Variants in PCDHAC2 observed in about 807,000 individuals in gnomAD.
PCDHAC2 encodes protocadherin alpha subfamily C, 2.
Under a neutral mutation model 63.3 loss-of-function variants are expected in PCDHAC2, and 24 were observed. The observed-to-expected ratio is 0.38, with a 90% CI of 0.27 to 0.53. PCDHAC2 has a LOEUF of 0.53. Ranked by LOEUF, PCDHAC2 falls within the 20% of genes least tolerant of loss-of-function variation. PCDHAC2 has a pLI of 0.81. For missense variants in PCDHAC2, 1,181 were observed against 1,275.2 expected, an observed-to-expected ratio of 0.93 and a Z score of 1.12; for synonymous variants, 569 against 529.4, an observed-to-expected ratio of 1.07 and a Z score of -1.03.
intron 3 of PCDHAC2, among the ~76,000 whole-genome samples, chr5:140,999,615 A>G (rs535054544): frequency 5.3e-5 from 8 of 152,322 alleles, no homozygotes; most frequent in Admixed American, 3.3e-4. Flanking sequence ...GACCTTATCA[A>G]CCAGGAAACA....
At chr5:141,007,395 CAA>C (rs35800918) in intron 3 of PCDHAC2, among the ~76,000 whole-genome samples, 1,140 of 94,858 alleles carry the variant, frequency 0.012, 9 homozygotes, top group South Asian at 0.036. Context: ...TACTAAAATA[CAA>C]AAAAAAAAAA....
At chr5:140,982,816 G>A (rs970352633) in intron 3 of PCDHAC2, among the ~76,000 whole-genome samples, 9 of 151,630 alleles carry the variant, frequency 5.9e-5, no homozygotes, top group Non-Finnish European at 1.0e-4. Flanking sequence ...TGTGTATGAA[G>A]TTTTTGGGGT....
chr5:140,967,219 C>G lies in PCDHAC2; in HGVS notation c.453C>G (p.Pro151=). Residue 151 remains proline (P), a synonymous_variant, in exon 1 of 4, where the codon CCC becomes CCG. Coordinates refer to ENST00000289269, the MANE Select transcript of PCDHAC2 (RefSeq NM_018899.6). ...INDNSPRFPR[P]NYQLQVSESV... Reference sequence around the variant, plus strand: ...ACAACTCACCGCGTTTCCCGCGGCCCAACTACCAGCTTCAGGTAAGCGAAT... The same window carrying G: ...ACAACTCACCGCGTTTCCCGCGGCCGAACTACCAGCTTCAGGTAAGCGAAT... 6.2e-7 allele frequency: 1 copy of G among 1,613,772 alleles called. No individual in the cohort carries two copies. Among genetic ancestry groups the G allele is most frequent in the Non-Finnish European group, 8.5e-7 (1 of 1,179,946 alleles).
chr5:141,008,607 C>T (rs782227320), intron 3 of PCDHAC2, among the ~76,000 whole-genome samples: 33 of 152,196 alleles, frequency 2.2e-4, no homozygotes, highest in Non-Finnish European at 3.8e-4. Flanking sequence ...CCTCTGGAAC[C>T]CCATTAACTT....
intron 3 of PCDHAC2, among the ~76,000 whole-genome samples, chr5:140,996,673 T>C (rs2097737293): frequency 6.6e-6 from 1 of 152,200 alleles, no homozygotes; most frequent in African/African-American, 2.4e-5. Context: ...TTTTGAACCA[T>C]GTTGGGCTAG....
At chr5:140,982,296 C>A in intron 2 of PCDHAC2, 179 bp from the exon 3 acceptor site, 1 of 1,167,132 alleles carries the variant, frequency 8.6e-7, no homozygotes, top group Non-Finnish European at 1.2e-6. Flanking sequence ...AGTAAGTCAG[C>A]AATGCTTCTG....
At position 140,973,495 on chromosome 5, in the gene PCDHAC2, T is replaced by TA. The variant is rs148545809; in HGVS notation, c.2565+4164_2565+4165insA. Among the ~76,000 whole-genome samples, 585 of 152,336 alleles carry TA rather than the reference T, an allele frequency of 3.8e-3. 2 individuals are homozygous for TA. Among genetic ancestry groups the TA allele is most frequent in the African/African-American group, 0.013 (553 of 41,574 alleles). ...AATTTCATATTGGTCACAGGACTCTTCTTCTGAGAAAAAGTTTATTTTCTT... is the reference window on the plus strand; with the variant it reads ...AATTTCATATTGGTCACAGGACTCTTACTTCTGAGAAAAAGTTTATTTTCTT... On this transcript the variant is annotated intron_variant, in intron 1 of 3. Coordinates refer to ENST00000289269, the MANE Select transcript of PCDHAC2 (RefSeq NM_018899.6).
Position 140,966,752 on chromosome 5 carries a change from C to T in PCDHAC2, c.-15C>T, listed in dbSNP as rs1013247328. On this transcript the variant is annotated 5_prime_UTR_variant, in exon 1 of 4. Transcript: ENST00000289269. ...CTCCGGCCCTGCCCGGCTGCCTCCGCCGCGGCCAGTGGCTATGGAGCAGGC... is the reference window on the plus strand; with the variant it reads ...CTCCGGCCCTGCCCGGCTGCCTCCGTCGCGGCCAGTGGCTATGGAGCAGGC... 5 of 1,432,026 alleles carry T rather than the reference C, an allele frequency of 3.5e-6. No homozygotes were observed. Among genetic ancestry groups the T allele is most frequent in the Non-Finnish European group, 4.6e-6 (5 of 1,097,922 alleles). 88.7% of individuals were successfully genotyped at this position (1,432,026 alleles called of 1,614,324 possible).
In PCDHAC2 at chr5:140,967,951, C is replaced by G. The variant is rs150201840; in HGVS notation, c.1185C>G (p.Gly395=). The change falls in exon 1 of 4, where the codon GGC becomes GGG. Residue 395 remains glycine, a synonymous_variant. Transcript: ENST00000289269. ...TCAGTGTCAATGACCAAGACTCAGG[C>G]CCCAACCGGAAAGTGAGCCTGGGTC... ...AVLSVNDQDS[G]PNRKVSLGLE... 6 of 1,614,078 alleles carry G rather than the reference C, an allele frequency of 3.7e-6. No homozygotes were observed. The African/African-American group carries it at 6.7e-5, about 18-fold the overall frequency.
chr5:140,999,775 A>T (rs2097875590), intron 3 of PCDHAC2, among the ~76,000 whole-genome samples: 1 of 152,178 alleles, frequency 6.6e-6, no homozygotes, highest in African/African-American at 2.4e-5. Context: ...TATACTCTTA[A>T]CCTAGAAATG....
At chr5:140,998,943 G>T (rs1366415632) in intron 3 of PCDHAC2, among the ~76,000 whole-genome samples, 2 of 152,212 alleles carry the variant, frequency 1.3e-5, no homozygotes, top group African/African-American at 2.4e-5. Flanking sequence ...TGAAGAAACT[G>T]TAAGTCAATG....
chr5:140,991,310 C>T (rs1450251256), intron 3 of PCDHAC2, among the ~76,000 whole-genome samples: 2 of 152,140 alleles, frequency 1.3e-5, no homozygotes, highest in Admixed American at 6.5e-5. Flanking sequence ...TATCTTGTCC[C>T]GCATGATACA....
At chr5:140,979,738 G>T (rs754559318) in intron 2 of PCDHAC2, among the ~76,000 whole-genome samples, 10 of 152,194 alleles carry the variant, frequency 6.6e-5, no homozygotes, top group East Asian at 1.9e-4. Context: ...CCAAATAAAA[G>T]ATTCATTATT....
At chr5:141,001,303 A>G (rs2098006866) in intron 3 of PCDHAC2, among the ~76,000 whole-genome samples, 2 of 152,182 alleles carry the variant, frequency 1.3e-5, no homozygotes, top group Admixed American at 1.3e-4. Context: ...GCCCAGAGAT[A>G]TGAAATAATT....
At position 140,968,131 on chromosome 5, in the gene PCDHAC2, G is replaced by A. The variant is rs1485866692; in HGVS notation, c.1365G>A (p.Leu455=). The A allele has an allele frequency of 1.2e-6, 2 of 1,614,042 alleles. No individual in the cohort carries two copies. Among genetic ancestry groups the A allele is most frequent in the African/African-American group, 1.3e-5 (1 of 74,924 alleles). Residue 455 remains leucine (L), a synonymous_variant, in exon 1 of 4, where the codon CTG becomes CTA. Transcript: ENST00000289269. ...CGCAGCTCACATCCCTGCGTACACT[G>A]AAGGTTGAGATCTCTGACATCAATG... The part of the protein sequence containing the change: ...GIPQLTSLRT[L]KVEISDINDN...
At chr5:140,985,981 C>T (rs966841419) in intron 3 of PCDHAC2, among the ~76,000 whole-genome samples, 18 of 152,140 alleles carry the variant, frequency 1.2e-4, no homozygotes, top group Middle Eastern at 6.8e-3. Context: ...CCTCGTGATC[C>T]GCCCACCTCA....
intron 1 of PCDHAC2, among the ~76,000 whole-genome samples, chr5:140,976,448 G>C (rs2096716831): frequency 6.6e-6 from 1 of 152,148 alleles, no homozygotes; most frequent in Non-Finnish European, 1.5e-5. Context: ...CTACTAGGGA[G>C]GCTGGGGAAG....
chr5:140,967,239 G>A lies in PCDHAC2; in HGVS notation c.473G>A (p.Ser158Asn). The change falls in exon 1 of 4, where the codon AGC (serine) becomes AAC (asparagine). Residue 158 changes from serine to asparagine, a missense_variant. Ser to Asn is a conservative substitution (Grantham distance 46). Transcript: ENST00000289269. The part of the protein sequence containing the change: ...FPRPNYQLQV[S>N]ESVAPGARFH... ...CGGCCCAACTACCAGCTTCAGGTAA[G>A]CGAATCGGTGGCGCCTGGAGCGCGC... The A allele has an allele frequency of 1.9e-6, 3 of 1,613,672 alleles. No homozygotes were observed. Among genetic ancestry groups the A allele is most frequent in the Non-Finnish European group, 2.5e-6 (3 of 1,179,910 alleles).
At chr5:140,979,912 G>C (rs1554241237) in intron 2 of PCDHAC2, among the ~76,000 whole-genome samples, 2 of 152,248 alleles carry the variant, frequency 1.3e-5, no homozygotes, top group South Asian at 2.1e-4. Flanking sequence ...AGTTCGTAAA[G>C]AGAAAGCCTA....
Sources: allele counts gnomAD v4.1 joint callset (sites outside exome capture counted in the v4.1 genomes callset), GRCh38; gene constraint gnomAD v4.1.1; transcripts MANE v1.5; gene names NCBI Gene and HGNC (gene_info 2026-07-23, HGNC 2026-07-21).